Variants in CNTN6 observed in about 807,000 individuals in gnomAD.
The protein encoded by CNTN6 is contactin-6.
A neutral mutation model predicts 122.8 loss-of-function variants in CNTN6; 137 were observed. The observed-to-expected ratio is 1.12, with a 90% CI of 0.97 to 1.29. The LOEUF is 1.29. CNTN6 is among the 50% of genes most tolerant of loss of function. CNTN6 has a pLI of 0.00. For synonymous variants in CNTN6, 570 were observed against 426.0 expected, an observed-to-expected ratio of 1.34 and a Z score of -4.16; for missense variants, 1,634 against 1,223.4, an observed-to-expected ratio of 1.34 and a Z score of -5.01.
At chr3:1,250,730 A>G (rs1008216070) in intron 4 of CNTN6, among the ~76,000 whole-genome samples, 6 of 152,166 alleles carry the variant, frequency 3.9e-5, no homozygotes, top group Non-Finnish European at 5.9e-5. Context: ...ATCAATAATT[A>G]GCAAAATCTT....
rs10451984 is a variant in CNTN6 at position 1,352,598 on chromosome 3, A to C, written c.1492+147A>C. On this transcript the variant is annotated intron_variant, in intron 12 of 22. Transcript: ENST00000446702. ...ATCTAAGAGATCCATTCCCGTACTCATTAATAACATGCACACTTTGCCAGT... is the reference window on the plus strand; with the variant it reads ...ATCTAAGAGATCCATTCCCGTACTCCTTAATAACATGCACACTTTGCCAGT... The C allele has an allele frequency of 4.2e-3, 3,643 of 869,868 alleles. 111 individuals are homozygous for C. The African/African-American group carries it at 0.056, about 13-fold the overall frequency. The allele number at this position is 869,868 out of a possible 1,614,324, so 53.9% of individuals were successfully genotyped here.
In CNTN6 at chr3:1,245,275, ACACAC is replaced by A. The variant is rs1465564102; in HGVS notation, c.358+17283_358+17287del. ...ATATATAACATATATATATATATAT[ACACAC>A]ACATATATATATAACATATATATAT... is the stretch of plus-strand genomic sequence containing the variant. On this transcript the variant is annotated intron_variant, in intron 4 of 22. Transcript: ENST00000446702. 1.7e-3 allele frequency among the ~76,000 whole-genome samples: 8 copies of A among 4,584 alleles called. 1 individual carries two copies. The highest frequency in any genetic ancestry group is 0.011 in the Admixed American group (3 of 280). 3.0% of individuals were successfully genotyped at this position (4,584 alleles called of 152,430 possible).
intron 4 of CNTN6, among the ~76,000 whole-genome samples, chr3:1,242,692 T>G (rs1364113954): frequency 6.6e-6 from 1 of 151,970 alleles, no homozygotes; most frequent in Non-Finnish European, 1.5e-5. Context: ...AAGGAGGCTT[T>G]GGGTTGGGGA....
intron 7 of CNTN6, among the ~76,000 whole-genome samples, chr3:1,301,602 A>T (rs552096370): frequency 3.3e-5 from 5 of 152,222 alleles, no homozygotes; most frequent in African/African-American, 4.8e-5. Context: ...TTAATAGAGT[A>T]CACTCCCTAA....
chr3:1,402,337 G>T lies in CNTN6; in HGVS notation c.2837G>T (p.Arg946Ile), dbSNP rs755321791. 6.2e-7 allele frequency: 1 copy of T among 1,608,906 alleles called. No individual in the cohort carries two copies. Among genetic ancestry groups the T allele is most frequent in the East Asian group, 2.2e-5 (1 of 44,780 alleles). Residue 946 changes from arginine to isoleucine, a missense_variant, in exon 22 of 23, where the codon AGA becomes ATA. Physicochemically the swap from Arg to Ile is moderately conservative, Grantham distance 97. Coordinates refer to ENST00000446702, the MANE Select transcript of CNTN6 (RefSeq NM_001289080.2). Reference sequence around the variant, plus strand: ...ATTCAGATTCTGTACCGGCAAAACAGACAGAGTAAAACTCATATTTTGGAA... The same window carrying T: ...ATTCAGATTCTGTACCGGCAAAACATACAGAGTAAAACTCATATTTTGGAA... ...LGYKILYRQN[R>I]QSKTHILETN... is the part of the protein sequence containing the mutation.
intron 7 of CNTN6, among the ~76,000 whole-genome samples, chr3:1,310,674 A>G (rs558849266): frequency 3.9e-5 from 6 of 152,176 alleles, no homozygotes; most frequent in Non-Finnish European, 8.8e-5. Flanking sequence ...TCTAGAAGAG[A>G]TTATGTACAT....
chr3:1,278,491 C>A lies in CNTN6; in HGVS notation c.437C>A (p.Pro146Gln). 1.2e-6 allele frequency: 2 copies of A among 1,611,432 alleles called. 1 individual carries two copies. The highest frequency in any genetic ancestry group is 1.7e-6 in the Non-Finnish European group (2 of 1,178,218). Residue 146 changes from proline (P) to glutamine (Q), a missense_variant, in exon 5 of 23, where the codon CCA becomes CAA. By Grantham distance (76) the Pro-to-Gln change is moderately conservative. Transcript: ENST00000446702. Reference protein sequence around the residue: ...EGQGVVLLCGPPPHFGDLSYA... With the variant: ...EGQGVVLLCGQPPHFGDLSYA... Reference sequence around the variant, plus strand: ...CAAGGTGTGGTGCTTCTCTGTGGCCCACCGCCACATTTTGGAGGTATGATG... The same window carrying A: ...CAAGGTGTGGTGCTTCTCTGTGGCCAACCGCCACATTTTGGAGGTATGATG...
chr3:1,245,274 TAC>T (rs1225069971), intron 4 of CNTN6, among the ~76,000 whole-genome samples: 2 of 4,008 alleles, frequency 5.0e-4, no homozygotes, highest in African/African-American at 2.4e-3. Flanking sequence ...TATATATATA[TAC>T]ACACACATAT....
intron 2 of CNTN6, among the ~76,000 whole-genome samples, chr3:1,209,037 AC>A (rs2093996934): frequency 6.6e-6 from 1 of 152,158 alleles, no homozygotes; most frequent in Non-Finnish European, 1.5e-5. Context: ...TCTGGCTTTA[AC>A]CTAAAGAGAT....
At chr3:1,330,782 T>C (rs1347385764) in intron 11 of CNTN6, among the ~76,000 whole-genome samples, 1 of 151,832 alleles carries the variant, frequency 6.6e-6, no homozygotes, top group Non-Finnish European at 1.5e-5. Flanking sequence ...AAAGGACAAC[T>C]AAAGTGTGTT....
chr3:1,278,471 T>C lies in CNTN6; in HGVS notation c.417T>C (p.Gly139=), dbSNP rs765513596. The C allele has an allele frequency of 1.9e-6, 3 of 1,612,860 alleles. No individual in the cohort carries two copies. Among genetic ancestry groups the C allele is most frequent in the Admixed American group, 1.7e-5 (1 of 59,934 alleles). The change falls in exon 5 of 23, where the codon GGT becomes GGC. Residue 139 remains glycine (G), a synonymous_variant. Coordinates refer to ENST00000446702, the MANE Select transcript of CNTN6 (RefSeq NM_001289080.2). The part of the protein sequence containing the change: ...RSTVSVREGQ[G]VVLLCGPPPH... ...CAGTATCTGTCCGAGAAGGTCAAGG[T>C]GTGGTGCTTCTCTGTGGCCCACCGC...
At chr3:1,341,631 C>G (rs561061695) in intron 11 of CNTN6, among the ~76,000 whole-genome samples, 1 of 152,100 alleles carries the variant, frequency 6.6e-6, no homozygotes, top group South Asian at 2.1e-4. Context: ...ATTCAGTCAC[C>G]GTGAATCTGT....
intron 4 of CNTN6, among the ~76,000 whole-genome samples, chr3:1,242,325 T>C (rs151320084): frequency 0.056 from 8,401 of 151,202 alleles, 343 homozygotes; most frequent in East Asian, 0.15. Flanking sequence ...TGTGGAGGAA[T>C]GGATTGAGGA....
chr3:1,317,535 A>G (rs1156572291), intron 7 of CNTN6, among the ~76,000 whole-genome samples: 1 of 151,848 alleles, frequency 6.6e-6, no homozygotes, highest in Admixed American at 6.6e-5. Flanking sequence ...TGTGTGAACA[A>G]TTCCAAGTTT....
At chr3:1,377,471 C>A (rs1161139721) in intron 17 of CNTN6, among the ~76,000 whole-genome samples, 2 of 152,156 alleles carry the variant, frequency 1.3e-5, no homozygotes, top group Admixed American at 6.5e-5. Flanking sequence ...CACCTCTGAT[C>A]AACTCATTCT....
At chr3:1,179,422 C>G (rs1051905885) in intron 2 of CNTN6, among the ~76,000 whole-genome samples, 2 of 152,054 alleles carry the variant, frequency 1.3e-5, no homozygotes, top group African/African-American at 4.8e-5. Flanking sequence ...AGCCCGGGAG[C>G]GTGGTGGTAA....
intron 13 of CNTN6, 73 bp from the exon 14 acceptor site, chr3:1,372,765 C>G (rs1709239909): frequency 1.2e-6 from 1 of 842,270 alleles, no homozygotes; most frequent in South Asian, 1.7e-5. Flanking sequence ...TCGTATTTAT[C>G]CAGCTGTAAC....
chr3:1,358,736 A>G (rs1707003850), intron 12 of CNTN6, among the ~76,000 whole-genome samples: 1 of 151,958 alleles, frequency 6.6e-6, no homozygotes, highest in Non-Finnish European at 1.5e-5. Context: ...TTGTATTAAC[A>G]CCTATTGACA....
chr3:1,213,532 A>G (rs1164584389), intron 2 of CNTN6, among the ~76,000 whole-genome samples: 1 of 151,988 alleles, frequency 6.6e-6, no homozygotes, highest in African/African-American at 2.4e-5. Context: ...ACTATGAAAT[A>G]TTATGCAAAG....
Sources: allele counts gnomAD v4.1 joint callset (sites outside exome capture counted in the v4.1 genomes callset), GRCh38; gene constraint gnomAD v4.1.1; transcripts MANE v1.5; gene names NCBI Gene and HGNC (gene_info 2026-07-23, HGNC 2026-07-21).